The following TMEM266 variants were observed in gnomAD, a reference collection of about 807,000 sequenced individuals.
The protein encoded by TMEM266 is transmembrane protein 266, also known as Hv1 related protein 1.
TMEM266 carries 33 observed loss-of-function variants against 50.5 expected under a neutral mutation model. That is an observed-to-expected ratio of 0.65 (90% confidence interval 0.50 to 0.87). The LOEUF (loss-of-function observed/expected upper bound fraction) is 0.87. Ranked by LOEUF, TMEM266 falls within the 40% of genes least tolerant of loss-of-function variation. TMEM266 has a pLI of 0.00. For synonymous variants in TMEM266, 310 were observed against 292.3 expected (o/e 1.06, Z -0.62); for missense variants, 655 against 695.1 (o/e 0.94, Z 0.65).
In TMEM266 at chr15:76,192,099, C is replaced by A; in HGVS notation, c.900C>A (p.Gly300=). Residue 300 remains glycine (G), a synonymous_variant, in exon 9 of 11, where the codon GGC becomes GGA. Coordinates refer to ENST00000388942, the MANE Select transcript of TMEM266 (RefSeq NM_152335.3). ...GCCGCTTCAAAGTGTTGGAGGCCGG[C>A]ACGTGGGACGAGGAGACGGCGGCCG... 1 of 1,435,856 alleles carries A rather than the reference C, an allele frequency of 7.0e-7. No individual in the cohort carries two copies. The highest frequency in any genetic ancestry group is 2.9e-5 in the Admixed American group (1 of 34,492). 88.9% of individuals were successfully genotyped at this position (1,435,856 alleles called of 1,614,324 possible).
At chr15:76,118,941 A>G (rs886968874) in intron 1 of TMEM266, among the ~76,000 whole-genome samples, 6 of 152,166 alleles carry the variant, frequency 3.9e-5, no homozygotes, top group Non-Finnish European at 7.3e-5. Context: ...AGCAGGCCCT[A>G]CCTGGTGCCA....
chr15:76,151,820 G>A lies in TMEM266; in HGVS notation c.228-4784G>A, dbSNP rs947360273. Among the ~76,000 whole-genome samples, 11 of 152,166 alleles carry A rather than the reference G, an allele frequency of 7.2e-5. No individual in the cohort carries two copies. In the South Asian group the frequency reaches 1.5e-3, roughly 20 times the overall value. Reference sequence around the variant, plus strand: ...AAGCACGGGGAAGGGCTGAGACGCCGCATTCCTAACAAGCGCCAGGTGATG... The same window carrying A: ...AAGCACGGGGAAGGGCTGAGACGCCACATTCCTAACAAGCGCCAGGTGATG... On this transcript the variant is annotated intron_variant, in intron 3 of 10. Transcript: ENST00000388942.
Position 76,194,148 on chromosome 15 carries a change from G to A in TMEM266, c.958+1991G>A, listed in dbSNP as rs556382147. On this transcript the variant is annotated intron_variant, in intron 9 of 10. Coordinates refer to ENST00000388942, the MANE Select transcript of TMEM266 (RefSeq NM_152335.3). ...TCCCCACACAGCTCAGCTGAGCCACGTGTCCCAGCAGCCCAGCCTTGGGCA... is the reference window on the plus strand; with the variant it reads ...TCCCCACACAGCTCAGCTGAGCCACATGTCCCAGCAGCCCAGCCTTGGGCA... Among the ~76,000 whole-genome samples, 24 of 152,358 alleles carry A rather than the reference G, an allele frequency of 1.6e-4. No homozygotes were observed. The South Asian group carries it at 4.3e-3, about 28-fold the overall frequency.
At chr15:76,135,982 T>C (rs1350262039) in intron 2 of TMEM266, among the ~76,000 whole-genome samples, 3 of 151,984 alleles carry the variant, frequency 2.0e-5, no homozygotes, top group Non-Finnish European at 4.4e-5. Flanking sequence ...TCACTCTTGT[T>C]GCCCAGGCTG....
intron 8 of TMEM266, among the ~76,000 whole-genome samples, chr15:76,182,690 A>G (rs1027406431): frequency 6.6e-6 from 1 of 152,120 alleles, no homozygotes; most frequent in Non-Finnish European, 1.5e-5. Flanking sequence ...AAATGTATCT[A>G]TATGATGGTT....
At chr15:76,178,812 C>G (rs2038343999) in intron 8 of TMEM266, 1 of 152,236 alleles carries the variant, frequency 6.6e-6, no homozygotes, top group Non-Finnish European at 1.5e-5. Flanking sequence ...AGAAACGAAC[C>G]ATTTTAATTT....
intron 5 of TMEM266, among the ~76,000 whole-genome samples, chr15:76,166,221 G>C (rs28493066): frequency 0.014 from 2,205 of 152,232 alleles, 35 homozygotes; most frequent in African/African-American, 0.051. Flanking sequence ...TCTGGGGAGG[G>C]GAAGGATGCT....
At chr15:76,077,001 G>A (rs2036616874) in intron 1 of TMEM266, among the ~76,000 whole-genome samples, 1 of 151,902 alleles carries the variant, frequency 6.6e-6, no homozygotes, top group Non-Finnish European at 1.5e-5. Flanking sequence ...GCCTCACTCT[G>A]TCACCCAGGC....
intron 5 of TMEM266, among the ~76,000 whole-genome samples, chr15:76,165,223 C>T (rs2038077146): frequency 6.6e-6 from 1 of 152,216 alleles, no homozygotes; most frequent in African/African-American, 2.4e-5. Context: ...CTTTTGCTTC[C>T]CTTGGAAGAG....
In TMEM266 at chr15:76,134,669, A is replaced by C. The variant is rs576143045; in HGVS notation, c.38+368A>C. Among the ~76,000 whole-genome samples the C allele has an allele frequency of 1.4e-4, 21 of 152,326 alleles. No homozygotes were observed. The East Asian group carries it at 3.5e-3, about 25-fold the overall frequency. ...GGTGGTCACTTATTTTGTGTTTTGC[A>C]ACTGGTTGGTATGAATACTAAGATG... On this transcript the variant is annotated intron_variant, in intron 2 of 10. Coordinates refer to ENST00000388942, the MANE Select transcript of TMEM266 (RefSeq NM_152335.3).
At chr15:76,060,171 G>A (rs1352110204) in intron 1 of TMEM266, among the ~76,000 whole-genome samples, 155 bp downstream of exon 1, 2 of 151,924 alleles carry the variant, frequency 1.3e-5, no homozygotes, top group South Asian at 2.1e-4. Flanking sequence ...CCCCCTGGCC[G>A]GGGGAGCCAG....
At chr15:76,111,083 C>CA (rs2037164335) in intron 1 of TMEM266, among the ~76,000 whole-genome samples, 2 of 144,024 alleles carry the variant, frequency 1.4e-5, no homozygotes, top group Admixed American at 1.4e-4. Context: ...TTCGCAGTTT[C>CA]TTTTTTTTTT....
intron 10 of TMEM266, 105 bp downstream of exon 10, chr15:76,202,369 G>A: frequency 2.0e-6 from 2 of 1,021,908 alleles, no homozygotes; most frequent in South Asian, 1.6e-5. Context: ...CCTGGTGCCT[G>A]TGAACCATAA....
chr15:76,169,748 G>A, intron 5 of TMEM266, 68 bp from the exon 6 acceptor site: 1 of 1,529,324 alleles, frequency 6.5e-7, no homozygotes, highest in South Asian at 1.1e-5. Flanking sequence ...TCTGAGTGCT[G>A]AGCTCTGGAA....
In TMEM266 at chr15:76,160,617, G is replaced by A. The variant is rs78789335; in HGVS notation, c.456+449G>A. Among the ~76,000 whole-genome samples, 1 of 152,212 alleles carries A rather than the reference G, an allele frequency of 6.6e-6. No homozygotes were observed. The highest frequency in any genetic ancestry group is 2.4e-5 in the African/African-American group (1 of 41,458). The stretch of plus-strand genomic sequence containing the variant: ...CGGACCTTTGGGGCTGAAGCACGCA[G>A]TGGGTGGGGGAACGGGGTCACAGGG... On this transcript the variant is annotated intron_variant, in intron 5 of 10. Coordinates refer to ENST00000388942, the MANE Select transcript of TMEM266 (RefSeq NM_152335.3). This position sits in a 1 kb window ranked among gnomAD's most constrained non-coding sequence, Gnocchi z 5.7.
intron 8 of TMEM266, among the ~76,000 whole-genome samples, chr15:76,177,550 A>T (rs2142067150): frequency 6.6e-6 from 1 of 152,354 alleles, no homozygotes; most frequent in East Asian, 1.9e-4. Context: ...CTTTGGGAAC[A>T]CTATGACCTT....
chr15:76,098,580 G>C (rs1031258828), intron 1 of TMEM266, among the ~76,000 whole-genome samples: 1 of 152,130 alleles, frequency 6.6e-6, no homozygotes, highest in African/African-American at 2.4e-5. Flanking sequence ...TGAGGAGGCA[G>C]TCTGACCCTT....
chr15:76,088,052 G>A (rs988895785), intron 1 of TMEM266, among the ~76,000 whole-genome samples: 1 of 152,156 alleles, frequency 6.6e-6, no homozygotes, highest in African/African-American at 2.4e-5. Context: ...CAGGGTCCTT[G>A]TTACCCTCAA....
intron 10 of TMEM266, among the ~76,000 whole-genome samples, 158 bp from the exon 11 acceptor site, chr15:76,203,583 C>G (rs2038784813): frequency 1.3e-5 from 2 of 152,212 alleles, no homozygotes. Context: ...TGTTGGAGAA[C>G]TGGGAGGGAG....
Sources: gnomAD v4.1 joint callset for allele counts (sites outside exome capture counted in the v4.1 genomes callset) on GRCh38, gnomAD v4.1.1 for gene constraint, Gnocchi (gnomAD v3.1) non-coding constraint, MANE v1.5 for transcripts, NCBI Gene and HGNC (gene_info 2026-07-23, HGNC 2026-07-21) for gene names.